The following XPNPEP3 variants were observed in gnomAD, a reference collection of about 807,000 sequenced individuals.
XPNPEP3 encodes xaa-Pro aminopeptidase 3.
In XPNPEP3, 41 loss-of-function variants were observed where a neutral mutation model predicts 60.0. The ratio of observed to expected loss-of-function variants is 0.68; its 90% confidence interval spans 0.53 to 0.89. The LOEUF is 0.89. Among genes scored for constraint, XPNPEP3 ranks in the 40% least tolerant of loss-of-function variants. The pLI is 0.00. For missense variants in XPNPEP3, 598 were observed against 638.9 expected (o/e 0.94, Z 0.69); for synonymous variants, 212 against 223.2 (o/e 0.95, Z 0.45).
intron 4 of XPNPEP3, among the ~76,000 whole-genome samples, chr22:40,899,113 G>A (rs919050923): frequency 6.6e-6 from 1 of 152,034 alleles, no homozygotes; most frequent in Non-Finnish European, 1.5e-5. Flanking sequence ...TCTAGAAAAT[G>A]GCTCATTTTC....
At chr22:40,919,565 A>G (rs956269895) in intron 7 of XPNPEP3, among the ~76,000 whole-genome samples, 103 of 152,132 alleles carry the variant, frequency 6.8e-4, no homozygotes, top group African/African-American at 2.5e-3. Context: ...CGGTTTCGCT[A>G]TGTTGCCCAG....
chr22:40,900,496 C>G (rs759166986), intron 4 of XPNPEP3, among the ~76,000 whole-genome samples: 1 of 151,930 alleles, frequency 6.6e-6, no homozygotes, highest in South Asian at 2.1e-4. Flanking sequence ...ATCCCAGCTA[C>G]TGGGGAGGCT....
intron 1 of XPNPEP3, among the ~76,000 whole-genome samples, chr22:40,868,680 C>A (rs1056102270): frequency 2.0e-5 from 3 of 151,938 alleles, no homozygotes; most frequent in Non-Finnish European, 4.4e-5. Flanking sequence ...CAGGATTAAA[C>A]CCCGTCTCTA....
At position 40,861,662 on chromosome 22, in the gene XPNPEP3, G is replaced by T; in HGVS notation, c.64+4417G>T. Reference sequence around the variant, plus strand: ...ACAGGTCCTCAAGCGAGTCTTCAAAGAAGTGAAAAGAAAATGGATCCCTTT... The same window carrying T: ...ACAGGTCCTCAAGCGAGTCTTCAAATAAGTGAAAAGAAAATGGATCCCTTT... On this transcript the variant is annotated intron_variant, in intron 1 of 9. Transcript: ENST00000357137. 1.9e-6 allele frequency: 3 copies of T among 1,614,074 alleles called. No individual in the cohort carries two copies. The South Asian group carries it at 3.3e-5, about 18-fold the overall frequency.
In XPNPEP3 at chr22:40,926,519, T is replaced by C. The variant is rs147042984; in HGVS notation, c.*84T>C. 5.4e-6 allele frequency: 8 copies of C among 1,486,002 alleles called. No homozygotes were observed. The East Asian group carries it at 1.8e-4, about 34-fold the overall frequency. The allele number at this position is 1,486,002 out of a possible 1,614,324, so 92.1% of individuals were successfully genotyped here. ...CACGTGTGCTTTCTGAGTGTCTCTG[T>C]GTGTGCATTAATATATGCATTCCAT... On this transcript the variant is annotated 3_prime_UTR_variant, in exon 10 of 10. Coordinates refer to ENST00000357137, the MANE Select transcript of XPNPEP3 (RefSeq NM_022098.4).
In XPNPEP3 at chr22:40,914,313, A is replaced by G; in HGVS notation, c.1044A>G (p.Pro348=). ...TGAGTGACATCACACGTACGTGGCC[A>G]GTCAATGGCAGGTAGGGCTTCTACA... ...CYVSDITRTW[P]VNGRFTAPQA... Residue 348 remains proline (P), a synonymous_variant, in exon 7 of 10, where the codon CCA becomes CCG. Coordinates refer to ENST00000357137, the MANE Select transcript of XPNPEP3 (RefSeq NM_022098.4). The G allele has an allele frequency of 6.2e-7, 1 of 1,613,960 alleles. No homozygotes were observed. The highest frequency in any genetic ancestry group is 8.5e-7 in the Non-Finnish European group (1 of 1,179,944).
At chr22:40,909,002 T>C in intron 5 of XPNPEP3, 120 bp from the exon 6 acceptor site, 1 of 784,506 alleles carries the variant, frequency 1.3e-6, no homozygotes, top group Non-Finnish European at 2.3e-6. Context: ...ATATGATGAA[T>C]AGCTTCCCAG....
chr22:40,879,182 A>G (rs1220126729), intron 2 of XPNPEP3, among the ~76,000 whole-genome samples: 1 of 152,172 alleles, frequency 6.6e-6, no homozygotes, highest in African/African-American at 2.4e-5. Context: ...CAATCTTGAA[A>G]GAAAAAAATG....
chr22:40,860,586 G>T, intron 1 of XPNPEP3: 1 of 1,184,286 alleles, frequency 8.4e-7, no homozygotes, highest in Non-Finnish European at 1.1e-6. Context: ...TTAGAAAAAA[G>T]AAAAATAGGC....
At chr22:40,905,876 T>G (rs902003839) in intron 4 of XPNPEP3, among the ~76,000 whole-genome samples, 2 of 152,070 alleles carry the variant, frequency 1.3e-5, no homozygotes, top group African/African-American at 4.8e-5. Flanking sequence ...CACTGCAACC[T>G]CTGCCTCCCA....
intron 4 of XPNPEP3, among the ~76,000 whole-genome samples, chr22:40,904,090 A>C (rs2058145400): frequency 6.6e-6 from 1 of 152,318 alleles, no homozygotes; most frequent in South Asian, 2.1e-4. Context: ...TTAGTGAAGT[A>C]AGAGTGTTAA....
At chr22:40,886,072 G>A (rs2058067596) in intron 3 of XPNPEP3, among the ~76,000 whole-genome samples, 1 of 152,030 alleles carries the variant, frequency 6.6e-6, no homozygotes, top group Admixed American at 6.6e-5. Flanking sequence ...TGAAGTTTAG[G>A]GGCAGAAAAG....
intron 9 of XPNPEP3, among the ~76,000 whole-genome samples, chr22:40,925,234 A>C (rs2058230777): frequency 6.6e-6 from 1 of 152,220 alleles, no homozygotes; most frequent in Non-Finnish European, 1.5e-5. Flanking sequence ...AGAGAAAGCT[A>C]ACAATCGGAT....
intron 3 of XPNPEP3, 126 bp downstream of exon 3, chr22:40,882,303 A>G (rs2058051384): frequency 9.6e-7 from 1 of 1,045,264 alleles, no homozygotes; most frequent in Non-Finnish European, 1.4e-6. Context: ...GCACCATGAA[A>G]GAAATGTAAA....
intron 7 of XPNPEP3, chr22:40,917,315 T>C (rs1329578378): frequency 6.6e-6 from 1 of 151,656 alleles, no homozygotes; most frequent in Non-Finnish European, 1.5e-5. Flanking sequence ...TACTGATCAG[T>C]AATGGGAACA....
Position 40,887,197 on chromosome 22 carries a change from G to C in XPNPEP3, c.792+682G>C, listed in dbSNP as rs114119353. On this transcript the variant is annotated intron_variant, in intron 4 of 9. Coordinates refer to ENST00000357137, the MANE Select transcript of XPNPEP3 (RefSeq NM_022098.4). The stretch of plus-strand genomic sequence containing the variant: ...GATCTGCAGTTTATTATAGGAAAAG[G>C]GTAAAAAATAACCATAATATGAAAG... Among the ~76,000 whole-genome samples the C allele has an allele frequency of 8.5e-3, 1,288 of 152,128 alleles. 19 individuals are homozygous for C. Among genetic ancestry groups the C allele is most frequent in the African/African-American group, 0.03 (1,248 of 41,502 alleles).
chr22:40,918,657 C>T (rs1162523949), intron 7 of XPNPEP3, among the ~76,000 whole-genome samples: 1 of 151,670 alleles, frequency 6.6e-6, no homozygotes, highest in African/African-American at 2.4e-5. Flanking sequence ...GTACTCCAGC[C>T]TGGGCAACAG....
chr22:40,894,490 C>T (rs2058100637), intron 4 of XPNPEP3, among the ~76,000 whole-genome samples: 1 of 152,154 alleles, frequency 6.6e-6, no homozygotes, highest in Non-Finnish European at 1.5e-5. Flanking sequence ...GAATGCAAAC[C>T]TTTCCCGCTG....
chr22:40,895,631 G>A (rs936048895), intron 4 of XPNPEP3, among the ~76,000 whole-genome samples: 10 of 151,792 alleles, frequency 6.6e-5, no homozygotes, highest in Non-Finnish European at 8.8e-5. Flanking sequence ...CACCGCACCC[G>A]GCCCAGACTT....
Sources: allele counts gnomAD v4.1 joint callset (sites outside exome capture counted in the v4.1 genomes callset), GRCh38; gene constraint gnomAD v4.1.1; transcripts MANE v1.5; gene names NCBI Gene and HGNC (gene_info 2026-07-23, HGNC 2026-07-21).